CHD9: variants seen among roughly 807,000 people sequenced by gnomAD.
The protein encoded by CHD9 is chromodomain helicase DNA binding protein 9, also known as ATP-dependent chromatin remodeler CHD9.
A neutral mutation model predicts 316.1 loss-of-function variants in CHD9; 77 were observed. The ratio of observed to expected loss-of-function variants is 0.24; its 90% CI spans 0.20 to 0.29. CHD9 has a LOEUF of 0.29. Ranked by LOEUF, CHD9 falls within the 10% of genes least tolerant of loss-of-function variation. The pLI, the probability that CHD9 is intolerant of heterozygous loss-of-function variation, is 1.00. For missense variants in CHD9, 2,763 were observed against 3,438.1 expected, an observed-to-expected ratio of 0.80 and a Z score of 4.91; for synonymous variants, 1,129 against 1,158.3, an observed-to-expected ratio of 0.97 and a Z score of 0.51.
chr16:53,164,410 A>G (rs1043649441), intron 2 of CHD9, among the ~76,000 whole-genome samples: 8 of 152,080 alleles, frequency 5.3e-5, no homozygotes, highest in African/African-American at 1.9e-4. Context: ...TCCTGACTGT[A>G]CAAATATATA....
At position 53,220,263 on chromosome 16, in the gene CHD9, C is replaced by T. The variant is rs145807049; in HGVS notation, c.1785-2381C>T. Among the ~76,000 whole-genome samples, 35 of 152,182 alleles carry T rather than the reference C, an allele frequency of 2.3e-4. No homozygotes were observed. In the East Asian group the frequency reaches 6.6e-3, roughly 29 times the overall value. On this transcript the variant is annotated intron_variant, in intron 3 of 38. Coordinates refer to ENST00000447540, the MANE Select transcript of CHD9 (RefSeq NM_001308319.2). Reference sequence around the variant, plus strand: ...TTTCTTCACATATTCAGAACAGTGGCGGGTGAGACACCAAGTAAGAATTAC... The same window carrying T: ...TTTCTTCACATATTCAGAACAGTGGTGGGTGAGACACCAAGTAAGAATTAC...
In CHD9 at chr16:53,324,057, C is replaced by T; in HGVS notation, c.7856C>T (p.Thr2619Ile). 1.9e-6 allele frequency: 3 copies of T among 1,613,712 alleles called. No homozygotes were observed. Among genetic ancestry groups the T allele is most frequent in the Non-Finnish European group, 2.5e-6 (3 of 1,179,680 alleles). The change falls in exon 39 of 39, where the codon ACT becomes ATT. Residue 2619 changes from threonine to isoleucine, a missense_variant. Coordinates refer to ENST00000447540, the MANE Select transcript of CHD9 (RefSeq NM_001308319.2). ...LPESMYERIL[T>I]GPVVREEVSR... ...GAAAGCATGTATGAACGTATTCTCA[C>T]TGGTCCCGTTGTGAGAGAGGAAGTA...
At chr16:53,295,841 A>G (rs1350214623) in intron 29 of CHD9, among the ~76,000 whole-genome samples, 1 of 152,194 alleles carries the variant, frequency 6.6e-6, no homozygotes, top group Non-Finnish European at 1.5e-5. Context: ...AGGGTTCTAC[A>G]CCTGCACTAA....
intron 28 of CHD9, 142 bp downstream of exon 28, chr16:53,291,909 T>A: frequency 2.1e-6 from 1 of 477,642 alleles, no homozygotes; most frequent in Non-Finnish European, 3.6e-6. Context: ...TTATAGGACA[T>A]ACTAGTTGAC....
At chr16:53,281,925 T>C (rs968189352) in intron 24 of CHD9, among the ~76,000 whole-genome samples, 17 of 152,222 alleles carry the variant, frequency 1.1e-4, no homozygotes, top group Admixed American at 5.2e-4. Context: ...TTATAATGCC[T>C]ACCACTACTT....
chr16:53,245,990 CAG>C lies in CHD9; in HGVS notation c.3454+143_3454+144del. ...TAAGGAATTACAAGTGTTACAGAAT[CAG>C]AGGCAATGTGAACTGCTTTGTTACA... is the stretch of plus-strand genomic sequence containing the variant. On this transcript the variant is annotated intron_variant, in intron 15 of 38. Transcript: ENST00000447540. This position sits in a 1 kb window ranked among gnomAD's most constrained non-coding sequence, Gnocchi z 4.1. 1.7e-6 allele frequency: 1 copy of C among 591,158 alleles called. No individual in the cohort carries two copies. Among genetic ancestry groups the C allele is most frequent in the Non-Finnish European group, 2.6e-6 (1 of 380,514 alleles). 36.6% of individuals were successfully genotyped at this position (591,158 alleles called of 1,614,324 possible). A position where few individuals can be genotyped will look rare whatever the true frequency, so the allele number is the denominator to read the frequency against.
intron 1 of CHD9, among the ~76,000 whole-genome samples, chr16:53,155,424 G>A (rs1277375186): frequency 6.6e-6 from 1 of 152,090 alleles, no homozygotes; most frequent in African/African-American, 2.4e-5. Flanking sequence ...TGTCACTCTT[G>A]TTGCCCAGGC....
intron 1 of CHD9, among the ~76,000 whole-genome samples, chr16:53,080,093 C>T (rs2034887841): frequency 6.6e-6 from 1 of 152,124 alleles, no homozygotes; most frequent in Non-Finnish European, 1.5e-5. Context: ...CCTGTGGAAT[C>T]TCCAGGTAGT....
chr16:53,260,898 ATCTC>A (rs1182256559), intron 19 of CHD9, among the ~76,000 whole-genome samples: 2 of 152,202 alleles, frequency 1.3e-5, no homozygotes, highest in African/African-American at 2.4e-5. Flanking sequence ...AATACAAGGT[ATCTC>A]TCTATTTCAA....
chr16:53,287,525 C>T (rs1334761189), intron 26 of CHD9, among the ~76,000 whole-genome samples: 1 of 152,122 alleles, frequency 6.6e-6, no homozygotes, highest in African/African-American at 2.4e-5. Flanking sequence ...GTCAGGAGTT[C>T]GAGACCAGCC....
intron 3 of CHD9, among the ~76,000 whole-genome samples, chr16:53,216,608 A>G (rs2046783757): frequency 6.6e-6 from 1 of 152,174 alleles, no homozygotes; most frequent in Non-Finnish European, 1.5e-5. Context: ...TGCCTGTCTC[A>G]GAGTTTTTCT....
rs187461265 is a variant in CHD9, at chr16:53,267,522, T to C, written c.4517+32T>C. 151 of 1,443,932 alleles carry C rather than the reference T, an allele frequency of 1.0e-4. 2 individuals are homozygous for C. In the Admixed American group the frequency reaches 1.4e-3, roughly 14 times the overall value. The allele number at this position is 1,443,932 out of a possible 1,614,324, so 89.4% of individuals were successfully genotyped here. A position where few individuals can be genotyped will look rare whatever the true frequency, so the allele number is the denominator to read the frequency against. On this transcript the variant is annotated intron_variant, in intron 21 of 38. Transcript: ENST00000447540. ...CATTGTTTTTAATGTTTGCTCTAAGTAGTCTGGTATGTAATGTTACAGAAA... is the reference window on the plus strand; with the variant it reads ...CATTGTTTTTAATGTTTGCTCTAAGCAGTCTGGTATGTAATGTTACAGAAA...
chr16:53,244,373 T>C (rs1280172578), intron 13 of CHD9, among the ~76,000 whole-genome samples: 2 of 152,004 alleles, frequency 1.3e-5, no homozygotes, highest in African/African-American at 4.8e-5. Flanking sequence ...TTTGTATTTT[T>C]AGTAGAGATG....
At chr16:53,288,440 C>T (rs2054071200) in intron 27 of CHD9, among the ~76,000 whole-genome samples, 1 of 152,154 alleles carries the variant, frequency 6.6e-6, no homozygotes, top group Non-Finnish European at 1.5e-5. Flanking sequence ...TCTCAGTGCT[C>T]TGTTTGTAGA....
intron 2 of CHD9, among the ~76,000 whole-genome samples, chr16:53,181,566 C>G (rs1229800042): frequency 2.6e-5 from 4 of 152,120 alleles, no homozygotes; most frequent in African/African-American, 9.6e-5. Flanking sequence ...TTTTAAGTTT[C>G]TGTGTAAACT....
intron 38 of CHD9, among the ~76,000 whole-genome samples, chr16:53,321,926 G>A (rs1418410730): frequency 6.6e-6 from 1 of 151,134 alleles, no homozygotes; most frequent in Non-Finnish European, 1.5e-5. Context: ...TGATATACTA[G>A]TAAAAAATTG....
intron 1 of CHD9, among the ~76,000 whole-genome samples, chr16:53,096,329 C>T (rs554271677): frequency 1.7e-4 from 26 of 152,060 alleles, no homozygotes; most frequent in African/African-American, 3.1e-4. Flanking sequence ...AACACAATGC[C>T]GGGTACCTCA....
At chr16:53,209,835 T>C in intron 3 of CHD9, 22 bp downstream of exon 3, 8 of 1,451,064 alleles carry the variant, frequency 5.5e-6, no homozygotes, top group Non-Finnish European at 6.5e-6. Context: ...AAGAATTAAA[T>C]TTAATTCCTT....
intron 30 of CHD9, chr16:53,299,580 CA>C: frequency 7.5e-6 from 3 of 402,472 alleles, no homozygotes; most frequent in Admixed American, 6.0e-5. Flanking sequence ...ATTAACCCTC[CA>C]AAAGCTGGAG....
Sources: gnomAD v4.1 joint callset for allele counts (sites outside exome capture counted in the v4.1 genomes callset) on GRCh38, gnomAD v4.1.1 for gene constraint, Gnocchi (gnomAD v3.1) non-coding constraint, MANE v1.5 for transcripts, NCBI Gene and HGNC (gene_info 2026-07-23, HGNC 2026-07-21) for gene names.